Variants in FABP12 observed in about 807,000 individuals in gnomAD.
FABP12 encodes fatty acid binding protein 12, also known as fatty acid-binding protein 12.
FABP12 carries 19 observed loss-of-function variants against 13.7 expected under a neutral mutation model. The observed-to-expected ratio is 1.39, with a 90% CI of 0.97 to 2.04. FABP12 has a LOEUF of 2.04. Among genes scored for constraint, FABP12 ranks in the 30% most tolerant of loss-of-function variants. The pLI, the probability that FABP12 is intolerant of heterozygous loss-of-function variation, is 0.00. For synonymous variants in FABP12, 61 were observed against 57.0 expected (o/e 1.07, Z -0.32); for missense variants, 182 against 164.2 (o/e 1.11, Z -0.59).
chr8:81,531,003 T>C (rs1242373378), intron 2 of FABP12, among the ~76,000 whole-genome samples: 2 of 152,220 alleles, frequency 1.3e-5, no homozygotes, highest in African/African-American at 4.8e-5. Flanking sequence ...TTAAAACATT[T>C]ATTAAAATCA....
intron 1 of FABP12, among the ~76,000 whole-genome samples, chr8:81,567,271 C>G (rs1809840983): frequency 6.6e-6 from 1 of 152,054 alleles, no homozygotes; most frequent in Admixed American, 6.5e-5. Context: ...CAGTCCCTAT[C>G]AAAATACCAA....
chr8:81,568,350 C>T (rs1809866317), intron 1 of FABP12, among the ~76,000 whole-genome samples: 1 of 152,080 alleles, frequency 6.6e-6, no homozygotes, highest in South Asian at 2.1e-4. Context: ...AGAAGACATA[C>T]AAATGGAAAA....
chr8:81,551,647 C>T (rs1169326750), intron 1 of FABP12, among the ~76,000 whole-genome samples: 1 of 152,068 alleles, frequency 6.6e-6, no homozygotes, highest in Non-Finnish European at 1.5e-5. Flanking sequence ...TCAAGAGACA[C>T]TTAAACCAAA....
chr8:81,531,190 C>T lies in FABP12; in HGVS notation c.73+53G>A. The T allele has an allele frequency of 3.3e-6, 4 of 1,195,462 alleles. No individual in the cohort carries two copies. The Admixed American group carries it at 5.6e-5, about 17-fold the overall frequency. The allele number at this position is 1,195,462 out of a possible 1,614,324, so 74.1% of individuals were successfully genotyped here. A position where few individuals can be genotyped will look rare whatever the true frequency, so the allele number is the denominator to read the frequency against. ...TATTTTATACAGAGCAAGTTCTGTG[C>T]TATCAAAATGCCCATTTTTACTGGA... On this transcript the variant is annotated intron_variant, in intron 2 of 4. Coordinates refer to ENST00000360464, the Ensembl canonical transcript of FABP12.
intron 1 of FABP12, among the ~76,000 whole-genome samples, chr8:81,543,376 A>G (rs941635993): frequency 2.0e-5 from 3 of 152,200 alleles, no homozygotes; most frequent in African/African-American, 7.2e-5. Flanking sequence ...ATCTCATGCT[A>G]TTTTAATGAT....
At chr8:81,537,692 C>T (rs138067265), upstream of FABP12, among the ~76,000 whole-genome samples, 140 of 152,186 alleles carry the variant, frequency 9.2e-4, no homozygotes, top group South Asian at 3.1e-3. Context: ...CTAAGAACAT[C>T]GGGAAACTTG....
chr8:81,578,407 G>A (rs1279254187), intron 1 of FABP12, among the ~76,000 whole-genome samples: 3 of 151,622 alleles, frequency 2.0e-5, no homozygotes, highest in Non-Finnish European at 4.4e-5. Context: ...ATAATAACAC[G>A]AAAAATACAA....
chr8:81,564,881 G>C (rs1162258048), intron 1 of FABP12, among the ~76,000 whole-genome samples: 2 of 151,846 alleles, frequency 1.3e-5, no homozygotes, highest in Admixed American at 1.3e-4. Flanking sequence ...CCAATCAAAA[G>C]AAATAGACTG....
chr8:81,574,394 G>A (rs1010480863), intron 1 of FABP12, among the ~76,000 whole-genome samples: 1 of 151,940 alleles, frequency 6.6e-6, no homozygotes, highest in African/African-American at 2.4e-5. Flanking sequence ...TGTTTATCAA[G>A]GATACCAGTC....
chr8:81,550,681 T>C (rs1437651824), intron 1 of FABP12, among the ~76,000 whole-genome samples: 3 of 152,108 alleles, frequency 2.0e-5, no homozygotes, highest in East Asian at 3.8e-4. Flanking sequence ...TAAGCTCTAT[T>C]AAAAGTACAA....
intron 1 of FABP12, among the ~76,000 whole-genome samples, chr8:81,575,500 G>T (rs1585858129): frequency 6.6e-6 from 1 of 152,172 alleles, no homozygotes; most frequent in Non-Finnish European, 1.5e-5. Context: ...AAAATCCATT[G>T]TTTCTTTGTT....
At chr8:81,559,153 A>T (rs1316228313) in intron 1 of FABP12, among the ~76,000 whole-genome samples, 2 of 152,192 alleles carry the variant, frequency 1.3e-5, no homozygotes, top group Non-Finnish European at 2.9e-5. Flanking sequence ...CAAGCCACTT[A>T]TCAATGTATT....
upstream of FABP12, among the ~76,000 whole-genome samples, chr8:81,534,117 T>A (rs763907189): frequency 6.6e-6 from 1 of 151,922 alleles, no homozygotes; most frequent in Non-Finnish European, 1.5e-5. Context: ...ACACTCTCTC[T>A]CTCACACACA....
intron 1 of FABP12, among the ~76,000 whole-genome samples, chr8:81,541,276 G>C (rs1406605969): frequency 1.3e-5 from 2 of 151,932 alleles, no homozygotes; most frequent in East Asian, 3.9e-4. Context: ...CAGATGATCA[G>C]AACCAACTCC....
intron 1 of FABP12, among the ~76,000 whole-genome samples, chr8:81,570,450 A>G (rs1809908950): frequency 1.3e-5 from 2 of 152,194 alleles, no homozygotes; most frequent in African/African-American, 4.8e-5. Flanking sequence ...GAGTAATAAA[A>G]CAGTTCAGAG....
chr8:81,530,596 G>T (rs1454375423), intron 2 of FABP12, among the ~76,000 whole-genome samples: 1 of 152,164 alleles, frequency 6.6e-6, no homozygotes, highest in Non-Finnish European at 1.5e-5. Flanking sequence ...ACAATCACAG[G>T]ATGTGACAGA....
chr8:81,542,320 G>C (rs371212850), intron 1 of FABP12, among the ~76,000 whole-genome samples: 24 of 152,144 alleles, frequency 1.6e-4, no homozygotes, highest in East Asian at 5.8e-4. Context: ...GGGAGCCTGG[G>C]GGGGTTCTTG....
chr8:81,535,803 G>A (rs2129971444), upstream of FABP12, among the ~76,000 whole-genome samples: 2 of 152,260 alleles, frequency 1.3e-5, 1 homozygote, highest in Admixed American at 1.3e-4. Context: ...TTGAGACAAA[G>A]GATTCTGGGT....
At chr8:81,548,146 A>G (rs894697932) in intron 1 of FABP12, among the ~76,000 whole-genome samples, 3 of 152,194 alleles carry the variant, frequency 2.0e-5, no homozygotes, top group African/African-American at 4.8e-5. Context: ...CTTCTAAAAC[A>G]TACTGGTGCC....
Sources: allele counts gnomAD v4.1 joint callset (sites outside exome capture counted in the v4.1 genomes callset), GRCh38; gene constraint gnomAD v4.1.1; transcripts MANE v1.5; gene names NCBI Gene and HGNC (gene_info 2026-07-23, HGNC 2026-07-21).